Variants in SPAG4 observed in about 807,000 individuals in gnomAD.
SPAG4 encodes sperm associated antigen 4.
A neutral mutation model predicts 53.9 loss-of-function variants in SPAG4; 54 were observed. The observed-to-expected ratio is 1.00, with a 90% confidence interval of 0.80 to 1.26. The LOEUF (loss-of-function observed/expected upper bound fraction) is 1.26. Ranked by LOEUF, SPAG4 falls within the 50% of genes most tolerant of loss-of-function variation. The pLI, the probability that SPAG4 is intolerant of heterozygous loss-of-function variation, is 0.00. For synonymous variants in SPAG4, 246 were observed against 237.4 expected (o/e 1.04, Z -0.33); for missense variants, 548 against 568.6 (o/e 0.96, Z 0.37).
chr20:35,617,433 A>C, intron 2 of SPAG4, 87 bp from the exon 3 acceptor site: 1 of 1,117,192 alleles, frequency 9.0e-7, no homozygotes, highest in Middle Eastern at 2.7e-4. Flanking sequence ...GCCCCTCCCA[A>C]GCCCCTTCTG....
chr20:35,619,870 C>T, intron 10 of SPAG4, 124 bp downstream of exon 10: 1 of 965,552 alleles, frequency 1.0e-6, no homozygotes, highest in Non-Finnish European at 1.5e-6. Context: ...TACTATTTGC[C>T]TCTCAGAGCT....
Position 35,616,144 on chromosome 20 carries a change from C to A in SPAG4, c.141C>A (p.Pro47=), listed in dbSNP as rs750943437. The A allele has an allele frequency of 2.5e-6, 4 of 1,604,108 alleles. No homozygotes were observed. The Admixed American group carries it at 6.8e-5, about 27-fold the overall frequency. ...CAGCGGAGCCCGGGCCTGGGGAGCC[C>A]GAGGGCAGAAGAGCCCGGGGCCCGA... ...LRSAEPGPGE[P]EGRRARGPSC... is the part of the protein sequence containing the mutation. The change falls in exon 1 of 12, where the codon CCC becomes CCA. Residue 47 remains proline (P), a synonymous_variant. Coordinates refer to ENST00000374273, the MANE Select transcript of SPAG4 (RefSeq NM_003116.3).
chr20:35,619,062 G>C, intron 8 of SPAG4, 64 bp downstream of exon 8: 1 of 1,506,902 alleles, frequency 6.6e-7, no homozygotes, highest in Non-Finnish European at 9.2e-7. Flanking sequence ...CACTGACACA[G>C]ACAGACCCAT....
chr20:35,620,726 T>C lies in SPAG4; in HGVS notation c.1120T>C (p.Phe374Leu), dbSNP rs774643965. The C allele has an allele frequency of 2.0e-6, 3 of 1,509,320 alleles. No homozygotes were observed. The highest frequency in any genetic ancestry group is 2.7e-6 in the Non-Finnish European group (3 of 1,117,926). 93.5% of individuals were successfully genotyped at this position (1,509,320 alleles called of 1,614,324 possible). The change falls in exon 11 of 12, where the codon TTC becomes CTC. Residue 374 changes from phenylalanine to leucine, a missense_variant. Coordinates refer to ENST00000374273, the MANE Select transcript of SPAG4 (RefSeq NM_003116.3). ...TGAAACTGAAGTTTCCTTGGGGAAA[T>C]TCACCTTCGATGTTGAGAAATCGGA... The part of the protein sequence containing the change: ...YDETEVSLGK[F>L]TFDVEKSEIQ...
chr20:35,619,361 A>G (rs762728418), intron 9 of SPAG4, 51 bp downstream of exon 9: 2 of 1,559,228 alleles, frequency 1.3e-6, no homozygotes, highest in Non-Finnish European at 1.8e-6. Flanking sequence ...CGCTGGGAAA[A>G]GCACCAAAAC....
chr20:35,620,841 G>A, intron 11 of SPAG4, 35 bp from the exon 12 acceptor site: 1 of 1,613,046 alleles, frequency 6.2e-7, no homozygotes, highest in Non-Finnish European at 8.5e-7. Flanking sequence ...TCCAGGAGGA[G>A]GGCAGCCCTT....
At chr20:35,619,523 G>A (rs1237714738) in intron 9 of SPAG4, 56 bp from the exon 10 acceptor site, 4 of 1,588,536 alleles carry the variant, frequency 2.5e-6, no homozygotes, top group Non-Finnish European at 3.4e-6. Context: ...CCGGGCTGGG[G>A]AGCGGCAGCA....
At chr20:35,616,724 G>A (rs1389872069) in intron 1 of SPAG4, among the ~76,000 whole-genome samples, 8 of 152,088 alleles carry the variant, frequency 5.3e-5, no homozygotes, top group African/African-American at 1.9e-4. Flanking sequence ...CCGCCTCCCG[G>A]GTTCAAACGA....
chr20:35,620,671 C>T lies in SPAG4; in HGVS notation c.1078-13C>T, dbSNP rs1185578387. Reference sequence around the variant, plus strand: ...CCCCCTCATAGTTCCTCCTTTCATTCTTCACCCACCAGGGCCTCCAGGTTT... The same window carrying T: ...CCCCCTCATAGTTCCTCCTTTCATTTTTCACCCACCAGGGCCTCCAGGTTT... On this transcript the variant is annotated splice_polypyrimidine_tract_variant and intron_variant, in intron 10 of 11. Transcript: ENST00000374273. 1.0e-6 allele frequency: 1 copy of T among 1,003,242 alleles called. No individual in the cohort carries two copies. The allele number at this position is 1,003,242 out of a possible 1,614,324, so 62.1% of individuals were successfully genotyped here.
intron 10 of SPAG4, 91 bp downstream of exon 10, chr20:35,619,837 G>C: frequency 1.5e-6 from 2 of 1,326,136 alleles, no homozygotes; most frequent in Non-Finnish European, 2.1e-6. Context: ...GTCTTCGCTT[G>C]CTCATCTATA....
At chr20:35,616,480 G>C in intron 1 of SPAG4, 173 bp downstream of exon 1, 1 of 743,880 alleles carries the variant, frequency 1.3e-6, no homozygotes, top group Non-Finnish European at 1.6e-6. Flanking sequence ...TCGGTGTCCT[G>C]GACGGTTATG....
Position 35,620,979 on chromosome 20 carries a change from G to A in SPAG4, c.1271G>A (p.Arg424Gln), listed in dbSNP as rs202014559. The A allele has an allele frequency of 1.2e-5, 20 of 1,614,050 alleles. No homozygotes were observed. The highest frequency in any genetic ancestry group is 2.2e-5 in the East Asian group (1 of 44,894). ...TATCGAGTCCGTGCCCACGGTGTGC[G>A]AACCTCAGAGGGGGCAGAGGGCAGT... ...CLYRVRAHGV[R>Q]TSEGAEGSAQ... Residue 424 changes from arginine (R) to glutamine (Q), a missense_variant, in exon 12 of 12, where the codon CGA (arginine) becomes CAA (glutamine). Physicochemically the swap from Arg to Gln is conservative, Grantham distance 43. Coordinates refer to ENST00000374273, the MANE Select transcript of SPAG4 (RefSeq NM_003116.3).
chr20:35,618,979 C>G lies in SPAG4; in HGVS notation c.774C>G (p.Asp258Glu), dbSNP rs778632721. The G allele has an allele frequency of 4.1e-5, 66 of 1,613,988 alleles. No individual in the cohort carries two copies. Among genetic ancestry groups the G allele is most frequent in the Non-Finnish European group, 5.3e-5 (63 of 1,179,934 alleles). ...RLNEDFVRKP[D>E]YALSSVGASI... The stretch of plus-strand genomic sequence containing the variant: ...ATGAGGATTTTGTGCGGAAGCCCGA[C>G]TATGCTTTGAGCTCTGTGGGTAAGA... The change falls in exon 8 of 12, where the codon GAC becomes GAG. Residue 258 changes from aspartate (D) to glutamate (E), a missense_variant. Physicochemically the swap from Asp to Glu is conservative, Grantham distance 45. Coordinates refer to ENST00000374273, the MANE Select transcript of SPAG4 (RefSeq NM_003116.3).
chr20:35,617,350 C>A, intron 2 of SPAG4, 110 bp downstream of exon 2: 3 of 952,324 alleles, frequency 3.2e-6, no homozygotes, highest in Admixed American at 2.1e-5. Context: ...CCTCTCCGAG[C>A]CTCAACTCAT....
chr20:35,618,648 G>A lies in SPAG4; in HGVS notation c.645G>A (p.Gln215=), dbSNP rs1393580558. The change falls in exon 7 of 12, where the codon CAG becomes CAA. Residue 215 remains glutamine (Q), a synonymous_variant. Coordinates refer to ENST00000374273, the MANE Select transcript of SPAG4 (RefSeq NM_003116.3). ...AGCGCGTGCGCTCCCAGGGGCAGCA[G>A]CTGCAGCAGCTCCAGGCCGAGCTGG... is the stretch of plus-strand genomic sequence containing the variant. ...YHERVRSQGQ[Q]LQQLQAELDK... The A allele has an allele frequency of 6.3e-7, 1 of 1,598,972 alleles. No individual in the cohort carries two copies. Among genetic ancestry groups the A allele is most frequent in the Admixed American group, 1.7e-5 (1 of 58,214 alleles).
intron 1 of SPAG4, among the ~76,000 whole-genome samples, chr20:35,616,672 G>GC (rs1447005935): frequency 1.4e-5 from 2 of 143,678 alleles, no homozygotes; most frequent in Non-Finnish European, 3.0e-5. Context: ...CGCTCCTGTT[G>GC]CCCATGCCAT....
chr20:35,617,586 G>A lies in SPAG4; in HGVS notation c.476G>A (p.Arg159Lys). 1.2e-6 allele frequency: 2 copies of A among 1,608,294 alleles called. No individual in the cohort carries two copies. The highest frequency in any genetic ancestry group is 1.7e-6 in the Non-Finnish European group (2 of 1,177,162). Reference sequence around the variant, plus strand: ...GGAGACGTGCTGGTCAGCATGTACAGGTCAGAGGAAGGGACGCTGGCGCCC... The same window carrying A: ...GGAGACGTGCTGGTCAGCATGTACAAGTCAGAGGAAGGGACGCTGGCGCCC... ...LAGDVLVSMY[R>K]EVCSIRFLFT... Residue 159 changes from arginine to lysine, a missense_variant and splice_region_variant, in exon 3 of 12, where the codon AGG becomes AAG. Transcript: ENST00000374273.
chr20:35,618,187 T>C, intron 5 of SPAG4, 57 bp downstream of exon 5: 1 of 1,553,414 alleles, frequency 6.4e-7, no homozygotes, highest in Middle Eastern at 1.7e-4. Context: ...ACCCGGAGAT[T>C]GTGGGGGTCC....
intron 2 of SPAG4, 27 bp from the exon 3 acceptor site, chr20:35,617,493 C>A: frequency 6.4e-7 from 1 of 1,571,012 alleles, no homozygotes; most frequent in East Asian, 2.3e-5. Flanking sequence ...CCGTGGGCCC[C>A]TCTCTGACCC....
Sources: gnomAD v4.1 joint callset for allele counts (sites outside exome capture counted in the v4.1 genomes callset) on GRCh38, gnomAD v4.1.1 for gene constraint, MANE v1.5 for transcripts, NCBI Gene and HGNC (gene_info 2026-07-23, HGNC 2026-07-21) for gene names.